The following SURF4 variants were observed in gnomAD, a reference collection of about 807,000 sequenced individuals.
SURF4 encodes the protein surfeit locus protein 4.
Under a neutral mutation model 30.0 loss-of-function variants are expected in SURF4, and 3 were observed. The observed-to-expected ratio is 0.10, with a 90% CI of 0.05 to 0.26. The LOEUF (loss-of-function observed/expected upper bound fraction) is 0.26. Among genes scored for constraint, SURF4 ranks in the 10% least tolerant of loss-of-function variants. SURF4 has a pLI of 1.00. For synonymous variants in SURF4, 143 were observed against 139.9 expected (o/e 1.02, Z -0.16); for missense variants, 217 against 350.8 (o/e 0.62, Z 3.05).
chr9:133,368,108 T>C (rs1350198944), intron 1 of SURF4, among the ~76,000 whole-genome samples: 1 of 152,146 alleles, frequency 6.6e-6, no homozygotes, highest in African/African-American at 2.4e-5. Context: ...CGGGAAGGGG[T>C]TCCCCTAGGC....
intron 1 of SURF4, chr9:133,375,288 C>G (rs2119187393): frequency 1.0e-6 from 1 of 985,524 alleles, no homozygotes; most frequent in East Asian, 1.1e-4. Context: ...TCCCCTCCTC[C>G]CAGGCTGTGT....
chr9:133,363,209 CCA>C lies in SURF4; in HGVS notation c.*282_*283del. The stretch of plus-strand genomic sequence containing the variant: ...AAAACTCAAAAATAGGACTGAGATG[CCA>C]CAGCCAAGCGGGCTGTTCACTCCAA... On this transcript the variant is annotated 3_prime_UTR_variant, in exon 6 of 6. Coordinates refer to ENST00000371989, the MANE Select transcript of SURF4 (RefSeq NM_033161.4). The surrounding 1 kb of genome is among the most constrained non-coding windows in gnomAD (Gnocchi z 4.3). The C allele has an allele frequency of 1.6e-6, 1 of 616,592 alleles. No individual in the cohort carries two copies. The allele number at this position is 616,592 out of a possible 1,614,324, so 38.2% of individuals were successfully genotyped here.
chr9:133,365,905 T>G (rs927446976), intron 4 of SURF4, 80 bp downstream of exon 4: 2 of 1,431,070 alleles, frequency 1.4e-6, no homozygotes, highest in Non-Finnish European at 2.0e-6. Flanking sequence ...TTTTCCCATT[T>G]TGGAGCATTT....
upstream of SURF4, among the ~76,000 whole-genome samples, chr9:133,377,787 TTAGTG>T (rs1195389953): frequency 6.6e-6 from 1 of 152,218 alleles, no homozygotes; most frequent in East Asian, 1.9e-4. Flanking sequence ...CACATTACAC[TTAGTG>T]TGCAGTTCAT....
In SURF4 at chr9:133,361,696, C is replaced by T. The variant is rs1836812506; in HGVS notation, c.*1797G>A. On this transcript the variant is annotated 3_prime_UTR_variant, in exon 6 of 6. Coordinates refer to ENST00000371989, the MANE Select transcript of SURF4 (RefSeq NM_033161.4). ...CTAGCCCACCCAGGGCCAGGAGAAA[C>T]AGGAACACCCACTAGGACGGAGGCG... The T allele has an allele frequency of 6.5e-6, 1 of 154,322 alleles. No homozygotes were observed. The highest frequency in any genetic ancestry group is 2.4e-5 in the African/African-American group (1 of 41,446). 9.6% of individuals were successfully genotyped at this position (154,322 alleles called of 1,614,324 possible).
At chr9:133,376,566 G>T (rs781896982), upstream of SURF4, 2 of 1,589,462 alleles carry the variant, frequency 1.3e-6, no homozygotes. Flanking sequence ...ACCAGGTGCC[G>T]AGTGTTCCCT....
At chr9:133,376,112 G>A (rs1453506217), upstream of SURF4, 14 of 1,202,768 alleles carry the variant, frequency 1.2e-5, no homozygotes, top group South Asian at 4.2e-5. Context: ...CGGCTGCCAC[G>A]TAGGCCAAGC....
At chr9:133,364,517 CCT>C (rs1837040784) in intron 5 of SURF4, among the ~76,000 whole-genome samples, 3 of 152,006 alleles carry the variant, frequency 2.0e-5, no homozygotes, top group Non-Finnish European at 4.4e-5. Flanking sequence ...ACGGTGAAAC[CCT>C]GTCTCTACTA....
At chr9:133,368,447 C>G (rs782239505) in intron 1 of SURF4, among the ~76,000 whole-genome samples, 1 of 152,234 alleles carries the variant, frequency 6.6e-6, no homozygotes, top group Non-Finnish European at 1.5e-5. Context: ...CAGGATCTGA[C>G]GTGGGGACTG....
At chr9:133,366,091 T>A in intron 3 of SURF4, 63 bp from the exon 4 acceptor site, 1 of 1,502,936 alleles carries the variant, frequency 6.7e-7, no homozygotes, top group Admixed American at 1.7e-5. Context: ...TCCACAGACT[T>A]CATAATACAT....
intron 1 of SURF4, among the ~76,000 whole-genome samples, chr9:133,368,168 C>T (rs1363035684): frequency 6.6e-6 from 1 of 152,240 alleles, no homozygotes; most frequent in African/African-American, 2.4e-5. Context: ...GCCTGCAGGT[C>T]ACACATGGCT....
At chr9:133,365,481 G>C (rs947582168) in intron 4 of SURF4, among the ~76,000 whole-genome samples, 2 of 152,102 alleles carry the variant, frequency 1.3e-5, no homozygotes, top group African/African-American at 4.8e-5. Flanking sequence ...TAGACAGGGG[G>C]GTCCAATCTT....
chr9:133,366,499 G>C, intron 3 of SURF4, 100 bp downstream of exon 3: 1 of 1,310,340 alleles, frequency 7.6e-7, no homozygotes, highest in East Asian at 2.3e-5. Flanking sequence ...CATGCAGGGG[G>C]CTGAAGGGGG....
chr9:133,365,425 G>A (rs1464989069), intron 4 of SURF4, among the ~76,000 whole-genome samples: 1 of 152,102 alleles, frequency 6.6e-6, no homozygotes, highest in African/African-American at 2.4e-5. Flanking sequence ...CTATTCTAGG[G>A]GCTCTGCAAC....
chr9:133,366,040 G>A lies in SURF4; in HGVS notation c.313-12C>T. ...CTGTAGGCAATCGTCTGAGGGGAAA[G>A]AAGAGAGAGATACTTGAGTCTCAGC... is the stretch of plus-strand genomic sequence containing the variant. On this transcript the variant is annotated splice_polypyrimidine_tract_variant and intron_variant, in intron 3 of 5. Transcript: ENST00000371989. The A allele has an allele frequency of 6.2e-7, 1 of 1,613,810 alleles. No individual in the cohort carries two copies. Among genetic ancestry groups the A allele is most frequent in the Non-Finnish European group, 8.5e-7 (1 of 1,179,838 alleles).
chr9:133,374,583 A>G (rs1837742881), intron 1 of SURF4, among the ~76,000 whole-genome samples: 1 of 150,816 alleles, frequency 6.6e-6, no homozygotes, highest in African/African-American at 2.5e-5. Context: ...AAATAAATAA[A>G]AATAAATAAA....
chr9:133,363,798 G>A lies in SURF4; in HGVS notation c.544-39C>T, dbSNP rs1239499177. 1 of 1,611,450 alleles carries A rather than the reference G, an allele frequency of 6.2e-7. No individual in the cohort carries two copies. Among genetic ancestry groups the A allele is most frequent in the East Asian group, 2.2e-5 (1 of 44,864 alleles). ...AACGTAAGAAATTCAAAATAAATGT[G>A]AGGAAAAGAGATGCTTTATAAACAA... On this transcript the variant is annotated intron_variant, in intron 5 of 5. Transcript: ENST00000371989. This position sits in a 1 kb window ranked among gnomAD's most constrained non-coding sequence, Gnocchi z 4.3.
rs2130131434 is a variant in SURF4, at chr9:133,366,690, A to G, written c.236-15T>C. ...GACGCAGCCAGCTGGAGAGAAGGACAAGGGTTAGGGGGCCTGAGGGTGGGT... is the reference window on the plus strand; with the variant it reads ...GACGCAGCCAGCTGGAGAGAAGGACGAGGGTTAGGGGGCCTGAGGGTGGGT... On this transcript the variant is annotated splice_polypyrimidine_tract_variant and intron_variant, in intron 2 of 5. Coordinates refer to ENST00000371989, the MANE Select transcript of SURF4 (RefSeq NM_033161.4). 5.6e-6 allele frequency: 9 copies of G among 1,612,616 alleles called. No individual in the cohort carries two copies. In the African/African-American group the frequency reaches 8.0e-5, roughly 14 times the overall value.
intron 4 of SURF4, 80 bp downstream of exon 4, chr9:133,365,905 T>C: frequency 1.4e-6 from 2 of 1,431,070 alleles, no homozygotes; most frequent in Non-Finnish European, 2.0e-6. Context: ...TTTTCCCATT[T>C]TGGAGCATTT....
Sources: allele counts gnomAD v4.1 joint callset (sites outside exome capture counted in the v4.1 genomes callset), GRCh38; gene constraint gnomAD v4.1.1; non-coding constraint Gnocchi (gnomAD v3.1); transcripts MANE v1.5; gene names NCBI Gene and HGNC (gene_info 2026-07-23, HGNC 2026-07-21).